FLT1: variants seen among roughly 807,000 people sequenced by gnomAD.
The protein encoded by FLT1 is fms related receptor tyrosine kinase 1, also known as vascular endothelial growth factor receptor 1.
Under a neutral mutation model 156.3 loss-of-function variants are expected in FLT1, and 49 were observed. The ratio of observed to expected loss-of-function variants is 0.31; its 90% CI spans 0.25 to 0.40. The LOEUF (loss-of-function observed/expected upper bound fraction) is 0.40, where lower values mean the gene tolerates loss of function less well. Among genes scored for constraint, FLT1 ranks in the 10% least tolerant of loss-of-function variants. The probability of loss-of-function intolerance (pLI) is 1.00; values close to 1 mark genes in which losing one functional copy is unlikely to be tolerated. For missense variants in FLT1, 1,322 were observed against 1,637.2 expected (o/e 0.81, Z 3.32); for synonymous variants, 594 against 583.8 (o/e 1.02, Z -0.25).
At chr13:28,387,710 T>G in intron 13 of FLT1, 1 of 1,057,520 alleles carries the variant, frequency 9.5e-7, no homozygotes, top group South Asian at 4.6e-5. Flanking sequence ...CTCCTTTTTT[T>G]TTTCTCCCCC....
At chr13:28,399,078 C>T (rs770902566) in intron 11 of FLT1, 101 of 1,551,104 alleles carry the variant, frequency 6.5e-5, no homozygotes, top group Non-Finnish European at 8.2e-5. Context: ...GGAAGAGAAG[C>T]TTGTAGGTGG....
At chr13:28,372,076 A>ATTTT (rs56114428) in intron 14 of FLT1, among the ~76,000 whole-genome samples, 7 of 11,760 alleles carry the variant, frequency 6.0e-4, no homozygotes, top group African/African-American at 1.9e-3. Flanking sequence ...ATATATATAT[A>ATTTT]TTTTTTTTTT....
chr13:28,458,817 T>TGGTCCTAATCAGCTGTCTGC (rs1879407244), intron 3 of FLT1, among the ~76,000 whole-genome samples: 1 of 152,230 alleles, frequency 6.6e-6, no homozygotes. Flanking sequence ...TCTCACCATG[T>TGGTCCTAATCAGCTGTCTGC]GGTCCTAATC....
At position 28,311,685 on chromosome 13, in the gene FLT1, A is replaced by T; in HGVS notation, c.3540T>A (p.Ser1180Arg). The change falls in exon 27 of 30, where the codon AGT (serine) becomes AGA (arginine). Residue 1180 changes from serine (S) to arginine (R), a missense_variant. Ser to Arg is a moderately radical substitution (Grantham distance 110). Coordinates refer to ENST00000282397, the MANE Select transcript of FLT1 (RefSeq NM_002019.4). ...IPINAILTGN[S>R]GFTYSTPAFS... ...AGGCAGGAGTTGAGTATGTAAACCC[A>T]CTATTTCCTGTCAGTATGGCATTGA... The T allele has an allele frequency of 3.1e-6, 5 of 1,613,748 alleles. No individual in the cohort carries two copies. The highest frequency in any genetic ancestry group is 4.2e-6 in the Non-Finnish European group (5 of 1,179,706).
chr13:28,306,509 T>C (rs1870755647), intron 29 of FLT1, among the ~76,000 whole-genome samples, 169 bp downstream of exon 29: 1 of 152,206 alleles, frequency 6.6e-6, no homozygotes, highest in African/African-American at 2.4e-5. Context: ...TCCCGTTTGA[T>C]GTTCCCCTTT....
intron 3 of FLT1, among the ~76,000 whole-genome samples, chr13:28,454,463 T>G (rs1879151609): frequency 6.6e-6 from 1 of 152,218 alleles, no homozygotes. Flanking sequence ...TGGGAGGTGG[T>G]TATAGGCAAG....
At chr13:28,341,861 T>C (rs1872345927) in intron 16 of FLT1, among the ~76,000 whole-genome samples, 1 of 152,172 alleles carries the variant, frequency 6.6e-6, no homozygotes, top group Non-Finnish European at 1.5e-5. Context: ...AGTCCCAATG[T>C]ACCTTTCCAG....
intron 3 of FLT1, among the ~76,000 whole-genome samples, chr13:28,450,451 C>T (rs180767780): frequency 9.0e-4 from 137 of 151,760 alleles, no homozygotes; most frequent in African/African-American, 3.0e-3. Context: ...AGATGACTGA[C>T]CTCAGTCAGA....
intron 15 of FLT1, among the ~76,000 whole-genome samples, chr13:28,349,482 A>G (rs945260250): frequency 5.9e-5 from 9 of 152,000 alleles, no homozygotes; most frequent in Admixed American, 1.3e-4. Context: ...ACACACACAC[A>G]CACGCACACA....
At chr13:28,370,766 C>A (rs1873523344) in intron 14 of FLT1, among the ~76,000 whole-genome samples, 1 of 152,182 alleles carries the variant, frequency 6.6e-6, no homozygotes, top group South Asian at 2.1e-4. Context: ...TGTGCGCACA[C>A]CCACACACTC....
At position 28,409,074 on chromosome 13, in the gene FLT1, T is replaced by C. The variant is rs111813111; in HGVS notation, c.1437-3180A>G. ...ATGTGTGATATGTCAGCCTTCTACA[T>C]TCCAAGTGGGAGCCATCTGTGGAAC... On this transcript the variant is annotated intron_variant, in intron 10 of 29. Transcript: ENST00000282397. 7.1e-3 allele frequency among the ~76,000 whole-genome samples: 1,076 copies of C among 152,314 alleles called. 6 individuals carry two copies. The highest frequency in any genetic ancestry group is 0.012 in the Non-Finnish European group (827 of 68,026).
At chr13:28,437,866 G>A (rs1473762832) in intron 4 of FLT1, among the ~76,000 whole-genome samples, 1 of 152,214 alleles carries the variant, frequency 6.6e-6, no homozygotes, top group Non-Finnish European at 1.5e-5. Context: ...CTTCTCTGCA[G>A]TAATCTGGAT....
chr13:28,311,645 A>G lies in FLT1; in HGVS notation c.3580T>C (p.Phe1194Leu), dbSNP rs1871008770. Residue 1194 changes from phenylalanine (F) to leucine (L), a missense_variant, in exon 27 of 30, where the codon TTC becomes CTC. Physicochemically the swap from Phe to Leu is conservative, Grantham distance 22. Coordinates refer to ENST00000282397, the MANE Select transcript of FLT1 (RefSeq NM_002019.4). ...TTCGGAGCTGAAATACTTTCCTTGA[A>G]GAAGTCCTCAGAGAAGGCAGGAGTT... ...YSTPAFSEDF[F>L]KESISAPKFN... 1 of 1,613,692 alleles carries G rather than the reference A, an allele frequency of 6.2e-7. No homozygotes were observed. The highest frequency in any genetic ancestry group is 8.5e-7 in the Non-Finnish European group (1 of 1,179,740).
chr13:28,430,118 G>A lies in FLT1; in HGVS notation c.1038C>T (p.Thr346=), dbSNP rs759742291. The A allele has an allele frequency of 5.6e-6, 9 of 1,613,852 alleles. No homozygotes were observed. Among genetic ancestry groups the A allele is most frequent in the South Asian group, 3.3e-5 (3 of 91,092 alleles). Residue 346 remains threonine, a synonymous_variant, in exon 8 of 30, where the codon ACC becomes ACT. Coordinates refer to ENST00000282397, the MANE Select transcript of FLT1 (RefSeq NM_002019.4). ...VKHRKQQVLE[T]VAGKRSYRLS... is the part of the protein sequence containing the mutation. ...GCCGGTAAGACCGCTTGCCAGCTACGGTTTCAAGCACCTGCTGTTTTCGAT... is the reference window on the plus strand; with the variant it reads ...GCCGGTAAGACCGCTTGCCAGCTACAGTTTCAAGCACCTGCTGTTTTCGAT...
intron 13 of FLT1, chr13:28,389,038 CTT>C (rs1317469120): frequency 1.9e-6 from 2 of 1,064,274 alleles, no homozygotes; most frequent in South Asian, 4.6e-5. Context: ...TGGATGGACT[CTT>C]ATAATTCACA....
At chr13:28,470,772 C>A (rs1880123213) in intron 1 of FLT1, among the ~76,000 whole-genome samples, 1 of 152,218 alleles carries the variant, frequency 6.6e-6, no homozygotes, top group Admixed American at 6.5e-5. Flanking sequence ...CTCACTGCAG[C>A]CTCCGCCTCC....
At chr13:28,426,130 CTT>C (rs113958200) in intron 10 of FLT1, among the ~76,000 whole-genome samples, 70 of 131,060 alleles carry the variant, frequency 5.3e-4, no homozygotes, top group African/African-American at 8.2e-4. Context: ...TCCTGTCAAT[CTT>C]TTTTTTTTTT....
Position 28,427,254 on chromosome 13 carries a change from G to A in FLT1, c.1341C>T (p.Gly447=), listed in dbSNP as rs1035513546. The A allele has an allele frequency of 1.2e-6, 2 of 1,613,908 alleles. No individual in the cohort carries two copies. Among genetic ancestry groups the A allele is most frequent in the South Asian group, 1.1e-5 (1 of 91,074 alleles). Residue 447 remains glycine (G), a synonymous_variant, in exon 10 of 30, where the codon GGC becomes GGT. Coordinates refer to ENST00000282397, the MANE Select transcript of FLT1 (RefSeq NM_002019.4). The part of the protein sequence containing the change: ...SFPDPALYPL[G]SRQILTCTAY... Reference sequence around the variant, plus strand: ...CGGTACAAGTCAGGATTTGTCTGCTGCCCAGTGGGTAGAGAGCCGGGTCTG... The same window carrying A: ...CGGTACAAGTCAGGATTTGTCTGCTACCCAGTGGGTAGAGAGCCGGGTCTG...
At chr13:28,442,701 T>TATAC (rs1878397090) in intron 3 of FLT1, among the ~76,000 whole-genome samples, 1 of 146,910 alleles carries the variant, frequency 6.8e-6, no homozygotes, top group Non-Finnish European at 1.5e-5. Flanking sequence ...TGACTGTAGA[T>TATAC]ACACACACAC....
Sources: allele counts gnomAD v4.1 joint callset (sites outside exome capture counted in the v4.1 genomes callset), GRCh38; gene constraint gnomAD v4.1.1; transcripts MANE v1.5; gene names NCBI Gene and HGNC (gene_info 2026-07-23, HGNC 2026-07-21).